The following PPP5C variants were observed in gnomAD, a reference collection of about 807,000 sequenced individuals.
PPP5C encodes serine/threonine-protein phosphatase 5.
In PPP5C, 21 loss-of-function variants were observed where a neutral mutation model predicts 66.7. The ratio of observed to expected loss-of-function variants is 0.31; its 90% CI spans 0.22 to 0.45. The LOEUF (loss-of-function observed/expected upper bound fraction) is 0.45, where lower values mean the gene tolerates loss of function less well. Among genes scored for constraint, PPP5C ranks in the 20% least tolerant of loss-of-function variants. PPP5C has a pLI of 1.00. For synonymous variants in PPP5C, 246 were observed against 257.4 expected, an observed-to-expected ratio of 0.96 and a Z score of 0.43; for missense variants, 464 against 675.9, an observed-to-expected ratio of 0.69 and a Z score of 3.48.
Position 46,361,187 on chromosome 19 carries a change from TG to T in PPP5C, c.363+7200del, listed in dbSNP as rs770873044. On this transcript the variant is annotated intron_variant, in intron 2 of 12. Transcript: ENST00000012443. ...CTCTGTCGCCCAGGCTGGAGTGCAG[TG>T]GTGCAATCTCCACTCGCTGCAAGCT... Among the ~76,000 whole-genome samples the T allele has an allele frequency of 3.3e-4, 48 of 146,326 alleles. No homozygotes were observed. In the East Asian group the frequency reaches 8.8e-3, roughly 27 times the overall value.
At chr19:46,354,131 A>C in intron 2 of PPP5C, 142 bp downstream of exon 2, 1 of 1,279,968 alleles carries the variant, frequency 7.8e-7, no homozygotes, top group South Asian at 1.5e-5. Context: ...CCTTGGGCCC[A>C]GGCCAGAGTA....
intron 2 of PPP5C, among the ~76,000 whole-genome samples, chr19:46,359,988 A>C: frequency 6.6e-6 from 1 of 152,122 alleles, no homozygotes; most frequent in East Asian, 1.9e-4. Context: ...CACGTTGGCC[A>C]GGCTGGTCTT....
In PPP5C at chr19:46,376,707, C is replaced by A; in HGVS notation, c.633+133C>A. 1 of 1,294,982 alleles carries A rather than the reference C, an allele frequency of 7.7e-7. No homozygotes were observed. Among genetic ancestry groups the A allele is most frequent in the Middle Eastern group, 2.8e-4 (1 of 3,562 alleles). The allele number at this position is 1,294,982 out of a possible 1,614,324, so 80.2% of individuals were successfully genotyped here. A position where few individuals can be genotyped will look rare whatever the true frequency, so the allele number is the denominator to read the frequency against. On this transcript the variant is annotated intron_variant, in intron 4 of 12. Transcript: ENST00000012443. This position sits in a 1 kb window ranked among gnomAD's most constrained non-coding sequence, Gnocchi z 5.1. ...CCAACACCAAACAGGAGTCGTGTGCCGGACACTGTGCCGAGGGCTTACCAC... is the reference window on the plus strand; with the variant it reads ...CCAACACCAAACAGGAGTCGTGTGCAGGACACTGTGCCGAGGGCTTACCAC...
intron 2 of PPP5C, among the ~76,000 whole-genome samples, chr19:46,364,748 C>T (rs1266614936): frequency 6.6e-6 from 1 of 152,098 alleles, no homozygotes; most frequent in Non-Finnish European, 1.5e-5. Flanking sequence ...TTGTCTGGTT[C>T]TAAATCCTGC....
chr19:46,369,322 G>A (rs1972543106), intron 2 of PPP5C, among the ~76,000 whole-genome samples: 1 of 152,198 alleles, frequency 6.6e-6, no homozygotes, highest in South Asian at 2.1e-4. Context: ...AAAACAGTAA[G>A]TATTTATGCA....
chr19:46,383,529 TG>T lies in PPP5C; in HGVS notation c.699+57del. On this transcript the variant is annotated intron_variant, in intron 5 of 12. Transcript: ENST00000012443. The surrounding 1 kb of genome is among the most constrained non-coding windows in gnomAD (Gnocchi z 5.0). Reference sequence around the variant, plus strand: ...GGCCAGCGGGGGTGGGCTCTCTGGCTGGGGAGGGGCCACAGAGCTCAGGAAC... The same window carrying T: ...GGCCAGCGGGGGTGGGCTCTCTGGCTGGGAGGGGCCACAGAGCTCAGGAAC... The T allele has an allele frequency of 6.7e-7, 1 of 1,502,920 alleles. No individual in the cohort carries two copies. Among genetic ancestry groups the T allele is most frequent in the Non-Finnish European group, 9.1e-7 (1 of 1,104,462 alleles). 93.1% of individuals were successfully genotyped at this position (1,502,920 alleles called of 1,614,324 possible). A position where few individuals can be genotyped will look rare whatever the true frequency, so the allele number is the denominator to read the frequency against.
At chr19:46,361,497 A>C (rs1972389340) in intron 2 of PPP5C, among the ~76,000 whole-genome samples, 1 of 146,014 alleles carries the variant, frequency 6.8e-6, no homozygotes, top group African/African-American at 2.5e-5. Flanking sequence ...CTGTAATCCC[A>C]GCACTTTGGG....
intron 2 of PPP5C, among the ~76,000 whole-genome samples, chr19:46,360,823 A>G (rs910384733): frequency 1.8e-4 from 27 of 152,216 alleles, no homozygotes; most frequent in Middle Eastern, 6.8e-3. Context: ...AAACCCTACA[A>G]ATGCATCAAA....
chr19:46,389,948 C>A, intron 11 of PPP5C, 103 bp from the exon 12 acceptor site: 4 of 1,016,034 alleles, frequency 3.9e-6, no homozygotes, highest in Admixed American at 3.5e-5. Flanking sequence ...TGGCTCTGTC[C>A]CTCCCTCTCC....
At chr19:46,350,025 C>T (rs1432153855) in intron 1 of PPP5C, among the ~76,000 whole-genome samples, 2 of 28,888 alleles carry the variant, frequency 6.9e-5, no homozygotes, top group Admixed American at 4.8e-4. Context: ...GGTGGGGTGG[C>T]GGTGGGGGGT....
At position 46,387,080 on chromosome 19, in the gene PPP5C, C is replaced by T. The variant is rs1972902420; in HGVS notation, c.905-13C>T. 1 of 1,614,086 alleles carries T rather than the reference C, an allele frequency of 6.2e-7. No individual in the cohort carries two copies. Among genetic ancestry groups the T allele is most frequent in the Non-Finnish European group, 8.5e-7 (1 of 1,180,046 alleles). ...GGAGGCTGAGCTTTCTCTTCTGTCC[C>T]CGTGTTGGCCAGGCAACCACGAGAC... On this transcript the variant is annotated splice_polypyrimidine_tract_variant and intron_variant, in intron 7 of 12. Coordinates refer to ENST00000012443, the MANE Select transcript of PPP5C (RefSeq NM_006247.4).
intron 2 of PPP5C, among the ~76,000 whole-genome samples, chr19:46,375,287 A>T (rs1331807947): frequency 6.6e-6 from 1 of 152,156 alleles, no homozygotes; most frequent in Non-Finnish European, 1.5e-5. Context: ...TGTGCTTGGG[A>T]TGCTGCTCAC....
At chr19:46,360,635 G>A (rs1972367975) in intron 2 of PPP5C, among the ~76,000 whole-genome samples, 1 of 151,940 alleles carries the variant, frequency 6.6e-6, no homozygotes, top group African/African-American at 2.4e-5. Context: ...CAAGTAGCTG[G>A]GATTACAGGC....
intron 1 of PPP5C, among the ~76,000 whole-genome samples, chr19:46,348,566 G>A (rs927946877): frequency 2.6e-5 from 4 of 152,036 alleles, no homozygotes; most frequent in South Asian, 2.1e-4. Flanking sequence ...CGCCCATCTC[G>A]GCCTCTCAAA....
At chr19:46,389,981 A>C (rs759291) in intron 11 of PPP5C, 70 bp from the exon 12 acceptor site, 1,335,900 of 1,430,706 alleles carry the variant, frequency 0.93, 625,558 homozygotes, top group East Asian at 1. Flanking sequence ...TTGCCCAGCC[A>C]TTCCTTCTCT....
chr19:46,387,164 C>G lies in PPP5C; in HGVS notation c.976C>G (p.Gln326Glu), dbSNP rs765046094. The G allele has an allele frequency of 3.1e-6, 5 of 1,614,236 alleles. No homozygotes were observed. The highest frequency in any genetic ancestry group is 3.4e-6 in the Non-Finnish European group (4 of 1,180,036). Residue 326 changes from glutamine (Q) to glutamate (E), a missense_variant, in exon 8 of 13, where the codon CAG becomes GAG. By Grantham distance (29) the Gln-to-Glu change is conservative (BLOSUM62 2). Transcript: ENST00000012443. ...EGEVKAKYTA[Q>E]MYELFSEVFE... is the part of the protein sequence containing the mutation. Reference sequence around the variant, plus strand: ...TGAGGTGAAGGCCAAGTACACAGCCCAGATGTACGAGCTCTTTAGCGAGGT... The same window carrying G: ...TGAGGTGAAGGCCAAGTACACAGCCGAGATGTACGAGCTCTTTAGCGAGGT...
intron 7 of PPP5C, chr19:46,386,798 A>G (rs1972896429): frequency 2.2e-6 from 1 of 452,678 alleles, no homozygotes; most frequent in Admixed American, 3.4e-5. Context: ...ATTGTTTTAT[A>G]GAGAGGTCTC....
At chr19:46,370,245 C>T (rs1426367159) in intron 2 of PPP5C, among the ~76,000 whole-genome samples, 1 of 152,162 alleles carries the variant, frequency 6.6e-6, no homozygotes, top group Admixed American at 6.5e-5. Context: ...CACATATACA[C>T]CTGTACAAAA....
In PPP5C at chr19:46,383,350, C is replaced by A; in HGVS notation, c.634-61C>A. 6.3e-7 allele frequency: 1 copy of A among 1,579,670 alleles called. No individual in the cohort carries two copies. Among genetic ancestry groups the A allele is most frequent in the Non-Finnish European group, 8.6e-7 (1 of 1,163,540 alleles). On this transcript the variant is annotated intron_variant, in intron 4 of 12. Coordinates refer to ENST00000012443, the MANE Select transcript of PPP5C (RefSeq NM_006247.4). The surrounding 1 kb of genome is among the most constrained non-coding windows in gnomAD (Gnocchi z 5.0). Reference sequence around the variant, plus strand: ...GCGTCTCATGGGCAGTCCAGGCTTTCGGGGCCAGGTTGGGCAGCAGCCCCT... The same window carrying A: ...GCGTCTCATGGGCAGTCCAGGCTTTAGGGGCCAGGTTGGGCAGCAGCCCCT...
Sources: allele counts gnomAD v4.1 joint callset (sites outside exome capture counted in the v4.1 genomes callset), GRCh38; gene constraint gnomAD v4.1.1; non-coding constraint Gnocchi (gnomAD v3.1); transcripts MANE v1.5; gene names NCBI Gene and HGNC (gene_info 2026-07-23, HGNC 2026-07-21).